SRGAP1: variants seen among roughly 807,000 people sequenced by gnomAD.
SRGAP1 encodes the protein SLIT-ROBO Rho GTPase-activating protein 1.
Under a neutral mutation model 121.9 loss-of-function variants are expected in SRGAP1, and 43 were observed. The ratio of observed to expected loss-of-function variants is 0.35; its 90% CI spans 0.28 to 0.46. SRGAP1 has a LOEUF of 0.46. SRGAP1 is among the 20% of genes least tolerant of loss of function. The pLI is 1.00. For synonymous variants in SRGAP1, 447 were observed against 485.4 expected (o/e 0.92, Z 1.04); for missense variants, 1,102 against 1,350.9 (o/e 0.82, Z 2.89).
intron 21 of SRGAP1, among the ~76,000 whole-genome samples, chr12:64,137,201 T>TTA (rs1201482132): frequency 6.6e-6 from 1 of 150,694 alleles, no homozygotes. Context: ...GAGGCGGAGG[T>TTA]CGCAGTGAGC....
intron 4 of SRGAP1, among the ~76,000 whole-genome samples, chr12:64,036,081 G>A (rs1042986033): frequency 1.3e-5 from 2 of 152,158 alleles, no homozygotes; most frequent in African/African-American, 4.8e-5. Context: ...TCATCAGCGG[G>A]TTTGGCCAGG....
intron 1 of SRGAP1, among the ~76,000 whole-genome samples, chr12:63,939,955 CTCTTT>C (rs1246267720): frequency 2.2e-4 from 33 of 151,886 alleles, no homozygotes; most frequent in African/African-American, 4.3e-4. Context: ...CTTTCTATCT[CTCTTT>C]TCTTTTCTTT....
At chr12:63,915,358 A>C (rs2030726039) in intron 1 of SRGAP1, among the ~76,000 whole-genome samples, 1 of 152,220 alleles carries the variant, frequency 6.6e-6, no homozygotes, top group Admixed American at 6.5e-5. Context: ...AGGAAACATA[A>C]AAGTATAAAT....
At chr12:64,027,494 CAG>C (rs760036215) in intron 4 of SRGAP1, among the ~76,000 whole-genome samples, 2 of 151,980 alleles carry the variant, frequency 1.3e-5, no homozygotes, top group African/African-American at 2.4e-5. Flanking sequence ...AGAGATGAAA[CAG>C]GGGAAAGGCA....
chr12:63,846,460 C>G (rs1898905567), intron 1 of SRGAP1, among the ~76,000 whole-genome samples: 1 of 152,192 alleles, frequency 6.6e-6, no homozygotes, highest in African/African-American at 2.4e-5. Flanking sequence ...TTGGCAAATG[C>G]ACTTCCAAAT....
At chr12:64,072,604 C>G (rs1233931163) in intron 8 of SRGAP1, among the ~76,000 whole-genome samples, 1 of 152,114 alleles carries the variant, frequency 6.6e-6, no homozygotes, top group African/African-American at 2.4e-5. Flanking sequence ...AGATGGCCAT[C>G]TGCAAGCCAA....
rs545259382 is a variant in SRGAP1, at chr12:63,985,105, G to C, written c.263+963G>C. ...TTCAAGTGCTCCAACAGGGGAAGGC[G>C]GGGGAGACCCTGGACAGACCCAACT... On this transcript the variant is annotated intron_variant, in intron 2 of 21. Coordinates refer to ENST00000355086, the MANE Select transcript of SRGAP1 (RefSeq NM_020762.4). Among the ~76,000 whole-genome samples, 5 of 152,164 alleles carry C rather than the reference G, an allele frequency of 3.3e-5. No homozygotes were observed. In the East Asian group the frequency reaches 5.8e-4, roughly 18 times the overall value.
At chr12:63,966,234 TATAATA>T (rs987978044) in intron 1 of SRGAP1, among the ~76,000 whole-genome samples, 24 of 152,128 alleles carry the variant, frequency 1.6e-4, no homozygotes, top group Non-Finnish European at 2.6e-4. Flanking sequence ...GACCAATAGA[TATAATA>T]ATAATAATAC....
intron 11 of SRGAP1, among the ~76,000 whole-genome samples, chr12:64,087,303 CT>C (rs1308380446): frequency 1.3e-5 from 2 of 152,008 alleles, no homozygotes; most frequent in African/African-American, 4.8e-5. Flanking sequence ...ATCCAGAATA[CT>C]TTAACTGTTT....
intron 6 of SRGAP1, among the ~76,000 whole-genome samples, chr12:64,052,334 A>C (rs1184900796): frequency 2.0e-5 from 3 of 152,084 alleles, no homozygotes; most frequent in Non-Finnish European, 4.4e-5. Context: ...CAGGCAGATC[A>C]CCTGAGGTCA....
At chr12:64,011,732 T>C (rs1051133514) in intron 3 of SRGAP1, among the ~76,000 whole-genome samples, 12 of 152,184 alleles carry the variant, frequency 7.9e-5, no homozygotes, top group African/African-American at 2.4e-4. Flanking sequence ...CTGAAAATTA[T>C]ATAATTACAT....
chr12:64,137,967 T>A (rs1329257032), intron 21 of SRGAP1, among the ~76,000 whole-genome samples: 88 of 136,880 alleles, frequency 6.4e-4, no homozygotes, highest in African/African-American at 1.5e-3. Context: ...AAAAAATATA[T>A]ATATATATAT....
At position 63,996,878 on chromosome 12, in the gene SRGAP1, T is replaced by C. The variant is rs185379044; in HGVS notation, c.426+6806T>C. ...TAAGAAATAAGCCAAAACTAAACTA[T>C]CATTTTTTGCAATGATGTAATTTTC... is the stretch of plus-strand genomic sequence containing the variant. On this transcript the variant is annotated intron_variant, in intron 3 of 21. Transcript: ENST00000355086. Among the ~76,000 whole-genome samples, 4 of 152,232 alleles carry C rather than the reference T, an allele frequency of 2.6e-5. No homozygotes were observed. The East Asian group carries it at 7.7e-4, about 29-fold the overall frequency.
Position 64,160,621 on chromosome 12 carries a change from T to C in SRGAP1, c.*17949T>C, listed in dbSNP as rs906602887. Reference sequence around the variant, plus strand: ...CTACTCTCCTATTTTCCTTACCCCTTTGTCTTCACAAGGAAGCCCAGACTC... The same window carrying C: ...CTACTCTCCTATTTTCCTTACCCCTCTGTCTTCACAAGGAAGCCCAGACTC... On this transcript the variant is annotated 3_prime_UTR_variant, in exon 22 of 22. Transcript: ENST00000355086. The C allele has an allele frequency of 6.6e-6, 1 of 152,178 alleles. No individual in the cohort carries two copies. Among genetic ancestry groups the C allele is most frequent in the African/African-American group, 2.4e-5 (1 of 41,438 alleles). 9.4% of individuals were successfully genotyped at this position (152,178 alleles called of 1,614,324 possible).
chr12:63,880,462 C>T (rs1191719462), intron 1 of SRGAP1, among the ~76,000 whole-genome samples: 1 of 152,146 alleles, frequency 6.6e-6, no homozygotes, highest in Admixed American at 6.5e-5. Flanking sequence ...AACTCCTGAC[C>T]TCAAGTGATC....
intron 1 of SRGAP1, among the ~76,000 whole-genome samples, chr12:63,964,983 C>T (rs2032748474): frequency 6.6e-6 from 1 of 152,194 alleles, no homozygotes; most frequent in Admixed American, 6.5e-5. Flanking sequence ...AAAATACGAG[C>T]TTTAGAGCCA....
intron 1 of SRGAP1, among the ~76,000 whole-genome samples, chr12:63,884,912 G>A (rs929108004): frequency 3.9e-4 from 59 of 151,916 alleles, no homozygotes; most frequent in Admixed American, 2.0e-3. Context: ...AGTAGAGACG[G>A]GGTTTCACCG....
chr12:63,971,761 T>G (rs1173670802), intron 1 of SRGAP1, among the ~76,000 whole-genome samples: 5 of 151,514 alleles, frequency 3.3e-5, no homozygotes, highest in South Asian at 2.1e-4. Context: ...GGTGTGTGTG[T>G]GGGTGTGTGT....
At chr12:63,907,425 C>G (rs1030895794) in intron 1 of SRGAP1, among the ~76,000 whole-genome samples, 3 of 151,924 alleles carry the variant, frequency 2.0e-5, no homozygotes, top group Non-Finnish European at 2.9e-5. Context: ...GTAATCCCAG[C>G]TACTAGGGAG....
Sources: allele counts gnomAD v4.1 joint callset (sites outside exome capture counted in the v4.1 genomes callset), GRCh38; gene constraint gnomAD v4.1.1; transcripts MANE v1.5; gene names NCBI Gene and HGNC (gene_info 2026-07-23, HGNC 2026-07-21).